The following ROBO2 variants were observed in gnomAD, a reference collection of about 807,000 sequenced individuals.
The protein encoded by ROBO2 is roundabout guidance receptor 2.
Under a neutral mutation model 160.8 loss-of-function variants are expected in ROBO2, and 53 were observed. That is an observed-to-expected ratio of 0.33 (90% CI 0.26 to 0.41). The LOEUF (loss-of-function observed/expected upper bound fraction) is 0.41. Ranked by LOEUF, ROBO2 falls within the 10% of genes least tolerant of loss-of-function variation. The pLI, the probability that ROBO2 is intolerant of heterozygous loss-of-function variation, is 1.00. For synonymous variants in ROBO2, 664 were observed against 611.7 expected (o/e 1.09, Z -1.26); for missense variants, 1,577 against 1,722.4 (o/e 0.92, Z 1.49).
chr3:76,844,271 T>C (rs2068575284), intron 2 of ROBO2, among the ~76,000 whole-genome samples: 3 of 152,012 alleles, frequency 2.0e-5, no homozygotes, highest in Admixed American at 1.3e-4. Context: ...AATATGGTTT[T>C]GCAATCTTCC....
chr3:77,181,951 C>T (rs1447092671), intron 2 of ROBO2, among the ~76,000 whole-genome samples: 3 of 151,974 alleles, frequency 2.0e-5, no homozygotes, highest in Non-Finnish European at 4.4e-5. Flanking sequence ...GTTAGGATAA[C>T]CCTGAGTACT....
intron 2 of ROBO2, among the ~76,000 whole-genome samples, chr3:76,094,371 A>G (rs554682056): frequency 1.3e-5 from 2 of 152,202 alleles, no homozygotes; most frequent in Non-Finnish European, 2.9e-5. Context: ...TCTTCCCAAC[A>G]ACACAGTGCC....
intron 2 of ROBO2, among the ~76,000 whole-genome samples, chr3:75,955,532 T>G (rs1157751153): frequency 1.3e-5 from 2 of 151,500 alleles, no homozygotes; most frequent in African/African-American, 4.8e-5. Flanking sequence ...ATACCTAATG[T>G]AAATGACGAG....
At chr3:76,685,592 G>A (rs1244402316) in intron 2 of ROBO2, among the ~76,000 whole-genome samples, 1 of 151,676 alleles carries the variant, frequency 6.6e-6, no homozygotes, top group Non-Finnish European at 1.5e-5. Context: ...ATGAATTCTG[G>A]GTTTTTCCAA....
chr3:76,050,181 C>T (rs1407292308), intron 2 of ROBO2, among the ~76,000 whole-genome samples: 1 of 152,112 alleles, frequency 6.6e-6, no homozygotes, highest in South Asian at 2.1e-4. Context: ...TAATCAGCTG[C>T]CATTGTGGCT....
chr3:76,866,867 A>G (rs1200472422), intron 2 of ROBO2, among the ~76,000 whole-genome samples: 1 of 152,016 alleles, frequency 6.6e-6, no homozygotes, highest in Admixed American at 6.6e-5. Context: ...GCACATCTCA[A>G]CCACTACCTC....
intron 2 of ROBO2, among the ~76,000 whole-genome samples, chr3:76,702,670 C>T (rs1369056866): frequency 6.6e-6 from 1 of 150,714 alleles, no homozygotes; most frequent in Non-Finnish European, 1.5e-5. Context: ...ACAAAATGAA[C>T]GTTATATAAT....
intron 21 of ROBO2, among the ~76,000 whole-genome samples, chr3:77,613,588 T>A (rs2153700099): frequency 6.6e-6 from 1 of 152,316 alleles, no homozygotes; most frequent in East Asian, 1.9e-4. Context: ...ATAATGTGGC[T>A]TAAGTCAGAT....
At chr3:77,552,463 GA>G (rs1211623910) in intron 8 of ROBO2, among the ~76,000 whole-genome samples, 1 of 151,994 alleles carries the variant, frequency 6.6e-6, no homozygotes, top group Non-Finnish European at 1.5e-5. Flanking sequence ...TGGATATTCA[GA>G]ATTACGTCTG....
intron 2 of ROBO2, among the ~76,000 whole-genome samples, chr3:76,861,357 G>A (rs2070761299): frequency 6.6e-6 from 1 of 152,158 alleles, no homozygotes; most frequent in African/African-American, 2.4e-5. Flanking sequence ...GATTAGAGGT[G>A]TAAACACATG....
intron 2 of ROBO2, among the ~76,000 whole-genome samples, chr3:76,628,450 T>A (rs2089814463): frequency 6.6e-6 from 1 of 150,506 alleles, no homozygotes; most frequent in Non-Finnish European, 1.5e-5. Flanking sequence ...TTTTTTTTTT[T>A]AGAGATGGGG....
intron 1 of ROBO2, among the ~76,000 whole-genome samples, chr3:77,080,815 T>G (rs1326617669): frequency 1.3e-5 from 2 of 152,216 alleles, no homozygotes; most frequent in Non-Finnish European, 2.9e-5. Context: ...TTCATAAATA[T>G]ATAGTTATTT....
intron 2 of ROBO2, among the ~76,000 whole-genome samples, chr3:77,143,087 C>T (rs1394184122): frequency 6.7e-6 from 1 of 148,606 alleles, no homozygotes; most frequent in Non-Finnish European, 1.5e-5. Context: ...AGCAAGCAAA[C>T]CAATAAACAA....
chr3:76,348,284 T>C (rs578182042), intron 2 of ROBO2, among the ~76,000 whole-genome samples: 2 of 152,190 alleles, frequency 1.3e-5, no homozygotes, highest in East Asian at 1.9e-4. Flanking sequence ...GGCAAGTAAT[T>C]GTTGGGAGAG....
chr3:76,272,962 T>A (rs1707643038), intron 2 of ROBO2, among the ~76,000 whole-genome samples: 1 of 6,646 alleles, frequency 1.5e-4, no homozygotes, highest in Non-Finnish European at 2.6e-3. Context: ...TAATATATAT[T>A]TATATATAAA....
At position 77,185,940 on chromosome 3, in the gene ROBO2, A is replaced by T. The variant is rs113296597; in HGVS notation, c.388+87600A>T. On this transcript the variant is annotated intron_variant, in intron 2 of 25. Coordinates refer to ENST00000461745, the Ensembl canonical transcript of ROBO2. ...AAGTAGCTCAGGAGCGGAAAACCAG[A>T]CATCGTATGTTCTCACTCACAAGTG... Among the ~76,000 whole-genome samples, 61 of 152,072 alleles carry T rather than the reference A, an allele frequency of 4.0e-4. 1 individual carries two copies. In the South Asian group the frequency reaches 4.6e-3, roughly 11 times the overall value.
intron 2 of ROBO2, among the ~76,000 whole-genome samples, chr3:77,132,206 G>T (rs541775503): frequency 6.6e-6 from 1 of 152,110 alleles, no homozygotes; most frequent in Admixed American, 6.5e-5. Flanking sequence ...TGTATTGAAT[G>T]ATGATGTTTA....
chr3:77,314,988 G>C (rs1405953947), intron 2 of ROBO2, among the ~76,000 whole-genome samples: 1 of 152,088 alleles, frequency 6.6e-6, no homozygotes, highest in Admixed American at 6.6e-5. Context: ...AGCAAAATTA[G>C]TATTGTGTAA....
intron 2 of ROBO2, among the ~76,000 whole-genome samples, chr3:76,154,563 G>A (rs2072331674): frequency 6.6e-6 from 1 of 152,086 alleles, no homozygotes; most frequent in African/African-American, 2.4e-5. Context: ...TCCTTTGTCA[G>A]CTGAGCCAGT....
Sources: gnomAD v4.1 joint callset for allele counts (sites outside exome capture counted in the v4.1 genomes callset) on GRCh38, gnomAD v4.1.1 for gene constraint, MANE v1.5 for transcripts, NCBI Gene and HGNC (gene_info 2026-07-23, HGNC 2026-07-21) for gene names.